The following BCKDHB variants were observed in gnomAD, a reference collection of about 807,000 sequenced individuals.
The protein encoded by BCKDHB is 2-oxoisovalerate dehydrogenase subunit beta, mitochondrial.
A neutral mutation model predicts 48.5 loss-of-function variants in BCKDHB; 41 were observed. That is an observed-to-expected ratio of 0.85 (90% CI 0.66 to 1.10). The LOEUF is 1.10. BCKDHB is among the 50% of genes least tolerant of loss of function. BCKDHB has a pLI of 0.00. For synonymous variants in BCKDHB, 201 were observed against 174.8 expected (o/e 1.15, Z -1.18); for missense variants, 496 against 494.2 (o/e 1.00, Z -0.03).
At chr6:80,375,590 A>G in the BCKDHB span, among the ~76,000 whole-genome samples, 2 of 150,770 alleles carry the variant, frequency 1.3e-5, no homozygotes, top group African/African-American at 4.9e-5. Flanking sequence ...AGTTGGACTT[A>G]CCTTTTCTCT....
chr6:80,293,488 C>T (rs1767050384), intron 9 of BCKDHB, among the ~76,000 whole-genome samples: 1 of 152,130 alleles, frequency 6.6e-6, no homozygotes, highest in South Asian at 2.1e-4. Flanking sequence ...ACAGCAGGGG[C>T]TGGCCTGGCC....
chr6:80,400,420 AG>A, the BCKDHB span, among the ~76,000 whole-genome samples: 4 of 152,110 alleles, frequency 2.6e-5, no homozygotes, highest in African/African-American at 9.7e-5. Flanking sequence ...AGATATGAAC[AG>A]ACACTTTTTA....
intron 9 of BCKDHB, among the ~76,000 whole-genome samples, chr6:80,330,493 A>G (rs1402670811): frequency 6.6e-6 from 1 of 152,146 alleles, no homozygotes. Context: ...CCTCTGATCC[A>G]TTTGGGCTTG....
chr6:80,381,337 T>C, the BCKDHB span, among the ~76,000 whole-genome samples: 3 of 152,084 alleles, frequency 2.0e-5, no homozygotes, highest in African/African-American at 4.8e-5. Context: ...ATGTGGATCA[T>C]GCCAGGTCTC....
chr6:80,343,630 T>C (rs886339494), intron 9 of BCKDHB, 34 bp from the exon 10 acceptor site: 1 of 1,612,844 alleles, frequency 6.2e-7, no homozygotes, highest in Admixed American at 1.7e-5. Context: ...GTAAAAAAAA[T>C]TCTTGAAGTT....
At chr6:80,209,772 C>A (rs374781291) in intron 8 of BCKDHB, among the ~76,000 whole-genome samples, 1 of 151,914 alleles carries the variant, frequency 6.6e-6, no homozygotes, top group East Asian at 1.9e-4. Flanking sequence ...AAAACACTAA[C>A]GTTAAAAAAG....
chr6:80,394,986 C>T, the BCKDHB span, among the ~76,000 whole-genome samples: 5 of 152,124 alleles, frequency 3.3e-5, no homozygotes, highest in South Asian at 2.1e-4. Context: ...TGAAGGAGGA[C>T]GTGTTTGTTT....
intron 9 of BCKDHB, among the ~76,000 whole-genome samples, chr6:80,295,629 A>G (rs1267251695): frequency 6.6e-6 from 1 of 152,188 alleles, no homozygotes; most frequent in Non-Finnish European, 1.5e-5. Context: ...CCAGAAAAAA[A>G]AAAAAAAAAG....
intron 3 of BCKDHB, among the ~76,000 whole-genome samples, chr6:80,148,270 AT>A (rs1336344161): frequency 6.6e-6 from 1 of 152,144 alleles, no homozygotes; most frequent in East Asian, 1.9e-4. Flanking sequence ...TGGTCCTGAC[AT>A]TTTTAAGAAG....
chr6:80,440,665 TATC>T, the BCKDHB span: 4 of 151,868 alleles, frequency 2.6e-5, no homozygotes, highest in Non-Finnish European at 5.9e-5. Context: ...CCCTTTCACT[TATC>T]ATTGTTCTGC....
chr6:80,404,250 TCTTA>T, the BCKDHB span, among the ~76,000 whole-genome samples: 1 of 151,972 alleles, frequency 6.6e-6, no homozygotes, highest in Non-Finnish European at 1.5e-5. Flanking sequence ...GATTTAGTCT[TCTTA>T]CTTGTTATTG....
At chr6:80,136,293 C>T (rs1411431897) in intron 3 of BCKDHB, among the ~76,000 whole-genome samples, 1 of 152,022 alleles carries the variant, frequency 6.6e-6, no homozygotes, top group Non-Finnish European at 1.5e-5. Context: ...GAATAGAGAA[C>T]CCAGAAATAA....
chr6:80,226,595 C>G (rs1390321011), intron 8 of BCKDHB, among the ~76,000 whole-genome samples: 2 of 152,284 alleles, frequency 1.3e-5, no homozygotes, highest in East Asian at 3.9e-4. Context: ...GAATATTTCC[C>G]ATTTCTTGAT....
chr6:80,433,843 AT>A, the BCKDHB span, among the ~76,000 whole-genome samples: 1 of 151,940 alleles, frequency 6.6e-6, no homozygotes, highest in African/African-American at 2.4e-5. Context: ...GTTTGTTTTG[AT>A]TTGGAATCAT....
chr6:80,446,398 A>G, the BCKDHB span, among the ~76,000 whole-genome samples: 1 of 152,274 alleles, frequency 6.6e-6, no homozygotes, highest in East Asian at 1.9e-4. Context: ...AAGGTACAGA[A>G]CACATTTTAC....
the BCKDHB span, among the ~76,000 whole-genome samples, chr6:80,436,045 A>G: frequency 1.0e-4 from 15 of 150,018 alleles, no homozygotes; most frequent in Middle Eastern, 3.6e-3. Context: ...AAGAAGTTAT[A>G]GTTTTTATTC....
chr6:80,153,986 C>A (rs1738418163), intron 3 of BCKDHB, among the ~76,000 whole-genome samples: 2 of 152,156 alleles, frequency 1.3e-5, no homozygotes, highest in Non-Finnish European at 2.9e-5. Flanking sequence ...TCTTGGTTTG[C>A]TTCCCAACTC....
chr6:80,361,508 GA>G, the BCKDHB span, among the ~76,000 whole-genome samples: 1 of 152,310 alleles, frequency 6.6e-6, no homozygotes, highest in African/African-American at 2.4e-5. Flanking sequence ...AGGTTAAGGT[GA>G]AATGTGGATG....
intron 3 of BCKDHB, among the ~76,000 whole-genome samples, chr6:80,157,459 A>ATTTTTTTT (rs36063034): frequency 2.1e-4 from 20 of 96,728 alleles, no homozygotes; most frequent in East Asian, 1.0e-3. Flanking sequence ...TTGGGTGAGA[A>ATTTTTTTT]TTTTTTTTTT....
Sources: allele counts gnomAD v4.1 joint callset (sites outside exome capture counted in the v4.1 genomes callset), GRCh38; gene constraint gnomAD v4.1.1; transcripts MANE v1.5; gene names NCBI Gene and HGNC (gene_info 2026-07-23, HGNC 2026-07-21).